LHFPL6: variants seen among roughly 807,000 people sequenced by gnomAD.
LHFPL6 encodes LHFPL tetraspan subfamily member 6, also known as LHFPL tetraspan subfamily member 6 protein.
A neutral mutation model predicts 20.6 loss-of-function variants in LHFPL6; 9 were observed. The ratio of observed to expected loss-of-function variants is 0.44; its 90% confidence interval spans 0.26 to 0.76. The LOEUF (loss-of-function observed/expected upper bound fraction) is 0.76, where lower values mean the gene tolerates loss of function less well. Among genes scored for constraint, LHFPL6 ranks in the 30% least tolerant of loss-of-function variants. The probability of loss-of-function intolerance (pLI) is 0.20; values close to 1 mark genes in which losing one functional copy is unlikely to be tolerated. For missense variants in LHFPL6, 218 were observed against 253.5 expected, an observed-to-expected ratio of 0.86 and a Z score of 0.95; for synonymous variants, 105 against 98.7, an observed-to-expected ratio of 1.06 and a Z score of -0.38.
intron 2 of LHFPL6, among the ~76,000 whole-genome samples, chr13:39,417,000 C>T (rs1300719059): frequency 1.3e-5 from 2 of 152,200 alleles, no homozygotes; most frequent in Non-Finnish European, 2.9e-5. Flanking sequence ...CAGATTTCTT[C>T]TAGCCTGCCG....
chr13:39,475,086 G>T (rs1873049457), intron 2 of LHFPL6, among the ~76,000 whole-genome samples: 1 of 152,170 alleles, frequency 6.6e-6, no homozygotes, highest in African/African-American at 2.4e-5. Context: ...TGATTCAAGT[G>T]GTCCCAGGAC....
intron 2 of LHFPL6, among the ~76,000 whole-genome samples, chr13:39,597,703 A>G (rs1872810760): frequency 6.6e-6 from 1 of 152,190 alleles, no homozygotes; most frequent in Non-Finnish European, 1.5e-5. Flanking sequence ...ACAGATTACC[A>G]CAGGAAAAGT....
At chr13:39,486,951 G>A (rs1009345272) in intron 2 of LHFPL6, among the ~76,000 whole-genome samples, 2 of 152,166 alleles carry the variant, frequency 1.3e-5, no homozygotes, top group African/African-American at 4.8e-5. Flanking sequence ...AGAGACTTCA[G>A]CACAAATGCT....
chr13:39,568,219 A>G (rs1044238616), intron 2 of LHFPL6, among the ~76,000 whole-genome samples: 1 of 152,162 alleles, frequency 6.6e-6, no homozygotes, highest in Admixed American at 6.6e-5. Context: ...AGCAGAGAAT[A>G]GGAAATACTA....
At position 39,601,064 on chromosome 13, in the gene LHFPL6, T is replaced by C. The variant is rs1872928092; in HGVS notation, c.153A>G (p.Ser51=). Residue 51 remains serine (S), a synonymous_variant, in exon 2 of 4, where the codon TCA becomes TCG. Coordinates refer to ENST00000379589, the MANE Select transcript of LHFPL6 (RefSeq NM_005780.3). Reference sequence around the variant, plus strand: ...GCCGACTCTCATCATGCACAGGATATGAGCACCTCCGGAAGGTACCGAAGG... The same window carrying C: ...GCCGACTCTCATCATGCACAGGATACGAGCACCTCCGGAAGGTACCGAAGG... ...PVSFGTFRRC[S]YPVHDESRQM... 2.5e-6 allele frequency: 4 copies of C among 1,614,210 alleles called. No individual in the cohort carries two copies. The highest frequency in any genetic ancestry group is 1.1e-5 in the South Asian group (1 of 91,080).
intron 2 of LHFPL6, among the ~76,000 whole-genome samples, chr13:39,390,961 C>T (rs530668621): frequency 1.3e-5 from 2 of 152,088 alleles, no homozygotes; most frequent in Non-Finnish European, 2.9e-5. Flanking sequence ...CGCGCCACTG[C>T]GCTCCAGCCT....
intron 2 of LHFPL6, among the ~76,000 whole-genome samples, chr13:39,523,190 T>C (rs1459596460): frequency 1.3e-5 from 2 of 152,200 alleles, no homozygotes; most frequent in Non-Finnish European, 2.9e-5. Flanking sequence ...GCATGTGGTC[T>C]CTGTTAACTC....
chr13:39,490,376 A>G (rs767929029), intron 2 of LHFPL6, among the ~76,000 whole-genome samples: 1 of 152,216 alleles, frequency 6.6e-6, no homozygotes. Flanking sequence ...GATAAAAATC[A>G]TAGTCTCTAA....
intron 2 of LHFPL6, among the ~76,000 whole-genome samples, chr13:39,448,169 C>T (rs1010317242): frequency 2.0e-5 from 3 of 152,150 alleles, no homozygotes; most frequent in African/African-American, 4.8e-5. Flanking sequence ...TTTTTGGAAG[C>T]CTCACTTTTC....
intron 2 of LHFPL6, among the ~76,000 whole-genome samples, chr13:39,588,598 G>A (rs552637678): frequency 1.2e-4 from 19 of 152,296 alleles, no homozygotes; most frequent in African/African-American, 4.6e-4. Flanking sequence ...CATGCATGAC[G>A]ACTAAATACT....
rs150475500 is a variant in LHFPL6, at chr13:39,507,709, T to C, written c.385+93123A>G. Reference sequence around the variant, plus strand: ...AAATATTTTTTGAGCAATCTGCATATAGAAAAATAGTTTTACCTACAGTAT... The same window carrying C: ...AAATATTTTTTGAGCAATCTGCATACAGAAAAATAGTTTTACCTACAGTAT... On this transcript the variant is annotated intron_variant, in intron 2 of 3. Transcript: ENST00000379589. Among the ~76,000 whole-genome samples, 14 of 152,266 alleles carry C rather than the reference T, an allele frequency of 9.2e-5. No individual in the cohort carries two copies. In the East Asian group the frequency reaches 1.4e-3, roughly 15 times the overall value.
At chr13:39,528,150 A>G (rs1334283632) in intron 2 of LHFPL6, among the ~76,000 whole-genome samples, 2 of 152,138 alleles carry the variant, frequency 1.3e-5, no homozygotes, top group African/African-American at 4.8e-5. Flanking sequence ...GCCAGCTCAA[A>G]CAGATGGAAT....
rs1346743661 is a variant in LHFPL6 at position 39,572,373 on chromosome 13, C to T, written c.385+28459G>A. ...TCAGTCTGAGACCTCTTTCCAGAAA[C>T]ATATACACGTACACAAATGCAGGGC... On this transcript the variant is annotated intron_variant, in intron 2 of 3. Transcript: ENST00000379589. Among the ~76,000 whole-genome samples the T allele has an allele frequency of 5.4e-5, 8 of 149,366 alleles. No homozygotes were observed. In the Admixed American group the frequency reaches 5.4e-4, roughly 10 times the overall value.
chr13:39,562,585 T>TATACACAC (rs1871559003), intron 2 of LHFPL6, among the ~76,000 whole-genome samples: 2 of 90,144 alleles, frequency 2.2e-5, no homozygotes, highest in Non-Finnish European at 5.5e-5. Flanking sequence ...TATATACACA[T>TATACACAC]ATATACATAT....
In LHFPL6 at chr13:39,345,512, C is replaced by CAAAAAAAAAAAAAAA. The variant is rs71077225; in HGVS notation, c.485-1473_485-1459dup. Among the ~76,000 whole-genome samples, 392 of 43,388 alleles carry CAAAAAAAAAAAAAAA rather than the reference C, an allele frequency of 9.0e-3. 31 individuals carry two copies. Among genetic ancestry groups the CAAAAAAAAAAAAAAA allele is most frequent in the Non-Finnish European group, 0.012 (252 of 20,294 alleles). 28.5% of individuals were successfully genotyped at this position (43,388 alleles called of 152,430 possible). A position where few individuals can be genotyped will look rare whatever the true frequency, so the allele number is the denominator to read the frequency against. On this transcript the variant is annotated intron_variant, in intron 3 of 3. Transcript: ENST00000379589. Reference sequence around the variant, plus strand: ...TGGGTCAGGGAGCGAGACTCCATCTCAAAAAAAAAAAAAAAAAAAAAAAAA... The same window carrying CAAAAAAAAAAAAAAA: ...TGGGTCAGGGAGCGAGACTCCATCTCAAAAAAAAAAAAAAAAAAAAAAAAAAAAAAAAAAAAAAAA...
chr13:39,374,240 T>C (rs572340222), intron 3 of LHFPL6, among the ~76,000 whole-genome samples: 14 of 152,268 alleles, frequency 9.2e-5, no homozygotes, highest in Admixed American at 3.9e-4. Flanking sequence ...TGGATACAAC[T>C]GGAAGCCATT....
At chr13:39,362,032 T>C (rs1397103812) in intron 3 of LHFPL6, among the ~76,000 whole-genome samples, 5 of 152,244 alleles carry the variant, frequency 3.3e-5, no homozygotes, top group African/African-American at 4.8e-5. Context: ...AGCTTTTCTA[T>C]ATATCTAAAA....
intron 2 of LHFPL6, among the ~76,000 whole-genome samples, chr13:39,549,908 A>T (rs1194462570): frequency 1.3e-5 from 2 of 152,108 alleles, no homozygotes; most frequent in Non-Finnish European, 1.5e-5. Flanking sequence ...TGAGTAAAAG[A>T]GGCCAGACTC....
intron 2 of LHFPL6, among the ~76,000 whole-genome samples, chr13:39,473,022 C>T (rs1187652353): frequency 6.6e-6 from 1 of 152,158 alleles, no homozygotes; most frequent in Non-Finnish European, 1.5e-5. Flanking sequence ...GTGGCAATTA[C>T]AGAGTAAACC....
Sources: gnomAD v4.1 joint callset for allele counts (sites outside exome capture counted in the v4.1 genomes callset) on GRCh38, gnomAD v4.1.1 for gene constraint, MANE v1.5 for transcripts, NCBI Gene and HGNC (gene_info 2026-07-23, HGNC 2026-07-21) for gene names.